Variants in NHS observed in about 807,000 individuals in gnomAD.
NHS encodes the protein NHS actin remodeling regulator, also known as actin remodeling regulator NHS.
A neutral mutation model predicts 72.5 loss-of-function variants in NHS; 5 were observed. That is an observed-to-expected ratio of 0.07 (90% CI 0.04 to 0.14). The LOEUF is 0.14. NHS is among the 10% of genes least tolerant of loss of function. NHS has a pLI of 1.00. For synonymous variants in NHS, 464 were observed against 547.7 expected (o/e 0.85, Z 2.13); for missense variants, 1,072 against 1,355.7 (o/e 0.79, Z 3.29).
chrX:17,565,712 A>C (rs2065439719), intron 1 of NHS, among the ~76,000 whole-genome samples: 1 of 111,897 alleles, frequency 8.9e-6, no homozygotes, highest in Non-Finnish European at 1.9e-5. Context: ...TAAAAGCTAC[A>C]CTAGGCCAAG....
intron 1 of NHS, among the ~76,000 whole-genome samples, chrX:17,430,364 C>A: frequency 1.3e-5 from 1 of 78,317 alleles, no homozygotes; most frequent in South Asian, 6.4e-4. Context: ...TTTCTTCTTT[C>A]TTTCTTTCCT....
intron 3 of NHS, among the ~76,000 whole-genome samples, chrX:17,715,582 G>T (rs2066359928): frequency 4.5e-5 from 5 of 112,351 alleles, no homozygotes; most frequent in Non-Finnish European, 9.4e-5. Context: ...TCTACTTTTA[G>T]TTGTTTTCAA....
intron 1 of NHS, among the ~76,000 whole-genome samples, chrX:17,529,881 A>G (rs1292328093): frequency 2.7e-5 from 3 of 111,446 alleles, no homozygotes; most frequent in Non-Finnish European, 3.8e-5. Context: ...GATGTCAGCT[A>G]AAACCAACTG....
intron 3 of NHS, among the ~76,000 whole-genome samples, chrX:17,715,751 C>A (rs2066361143): frequency 9.0e-6 from 1 of 111,330 alleles, no homozygotes; most frequent in African/African-American, 3.3e-5. Flanking sequence ...CCTCTTCCCC[C>A]CTCTACCCTC....
At chrX:17,696,883 A>C (rs2066234101) in intron 3 of NHS, among the ~76,000 whole-genome samples, 1 of 111,824 alleles carries the variant, frequency 8.9e-6, no homozygotes, top group Non-Finnish European at 1.9e-5. Flanking sequence ...GTTAAGTAAA[A>C]GAGAGAAAAC....
chrX:17,403,764 GC>G (rs752444271), intron 1 of NHS, among the ~76,000 whole-genome samples: 2 of 111,482 alleles, frequency 1.8e-5, no homozygotes, highest in Non-Finnish European at 3.8e-5. Context: ...TCTGCCCCAG[GC>G]CCTTCTTGAT....
intron 1 of NHS, among the ~76,000 whole-genome samples, chrX:17,413,754 A>G (rs911206918): frequency 9.0e-6 from 1 of 111,252 alleles, no homozygotes; most frequent in Non-Finnish European, 1.9e-5. Flanking sequence ...TGTTGAAATG[A>G]TAGACAGTTT....
intron 1 of NHS, among the ~76,000 whole-genome samples, chrX:17,503,416 C>T (rs1054418821): frequency 3.6e-5 from 4 of 112,097 alleles, no homozygotes; most frequent in Non-Finnish European, 7.5e-5. Context: ...TACTATGTGT[C>T]AGGTCATGTC....
rs7882719 is a variant in NHS at position 17,553,301 on chromosome X, G to C, written c.566-134441G>C. On this transcript the variant is annotated intron_variant, in intron 1 of 8. Transcript: ENST00000676302. Reference sequence around the variant, plus strand: ...CTGCCCTCCCAGTGGGAGGTGTGGAGAGCTGGCAATGAGATGGTTAAGAGC... The same window carrying C: ...CTGCCCTCCCAGTGGGAGGTGTGGACAGCTGGCAATGAGATGGTTAAGAGC... Among the ~76,000 whole-genome samples, 609 of 112,918 alleles carry C rather than the reference G, an allele frequency of 5.4e-3. 5 individuals carry two copies. Among genetic ancestry groups the C allele is most frequent in the African/African-American group, 0.019 (589 of 31,122 alleles).
intron 1 of NHS, among the ~76,000 whole-genome samples, chrX:17,438,380 C>T (rs1246805020): frequency 8.9e-6 from 1 of 112,351 alleles, no homozygotes; most frequent in Non-Finnish European, 1.9e-5. Context: ...AATACTGAAG[C>T]ACAACTCTGA....
chrX:17,415,194 G>A (rs60014751), intron 1 of NHS, among the ~76,000 whole-genome samples: 11,116 of 111,222 alleles, frequency 0.1, 1,421 homozygotes, highest in African/African-American at 0.35. Context: ...CTGGGACACG[G>A]TATAGCCCGC....
intron 1 of NHS, among the ~76,000 whole-genome samples, chrX:17,578,450 C>T (rs757496400): frequency 3.4e-4 from 38 of 112,112 alleles, no homozygotes; most frequent in Middle Eastern, 4.6e-3. Context: ...AATTCTGTCT[C>T]TGCCACCTAT....
At chrX:17,474,681 T>C (rs769647742) in intron 1 of NHS, among the ~76,000 whole-genome samples, 6 of 112,050 alleles carry the variant, frequency 5.4e-5, no homozygotes, top group Non-Finnish European at 9.4e-5. Flanking sequence ...GATGCAAGTT[T>C]CCTCTAGGTA....
chrX:17,732,920 C>T lies in NHS; in HGVS notation c.*456C>T, dbSNP rs192724327. On this transcript the variant is annotated 3_prime_UTR_variant, in exon 9 of 9. Transcript: ENST00000676302. ...AGAAAGAACTACACATATGTAAATA[C>T]CATATTTTTGATAAAAATGTGTAAA... 4.8e-5 allele frequency: 7 copies of T among 146,626 alleles called. No individual in the cohort carries two copies. In the Admixed American group the frequency reaches 5.3e-4, roughly 11 times the overall value. 12.1% of individuals were successfully genotyped at this position (146,626 alleles called of 1,213,427 possible). A position where few individuals can be genotyped will look rare whatever the true frequency, so the allele number is the denominator to read the frequency against.
chrX:17,564,623 G>A (rs186872923), intron 1 of NHS, among the ~76,000 whole-genome samples: 68 of 112,544 alleles, frequency 6.0e-4, no homozygotes, highest in Non-Finnish European at 9.4e-5. Context: ...TTACCAGGAC[G>A]CTCCATTCTC....
intron 1 of NHS, among the ~76,000 whole-genome samples, chrX:17,596,075 C>T (rs1470836991): frequency 1.8e-5 from 2 of 111,656 alleles, no homozygotes; most frequent in East Asian, 5.6e-4. Context: ...TTGTACTCAC[C>T]ACTATTTATT....
intron 1 of NHS, among the ~76,000 whole-genome samples, chrX:17,380,043 G>A (rs1163288336): frequency 1.8e-5 from 2 of 111,730 alleles, no homozygotes; most frequent in East Asian, 5.6e-4. Context: ...GTAAAGAAAA[G>A]GAGGCCAGGA....
chrX:17,401,524 C>T (rs1239355885), intron 1 of NHS, among the ~76,000 whole-genome samples: 7 of 112,285 alleles, frequency 6.2e-5, no homozygotes, highest in Non-Finnish European at 1.1e-4. Context: ...GCTGTGACTA[C>T]TTACCACAAA....
At chrX:17,523,907 G>A (rs1448166113) in intron 1 of NHS, among the ~76,000 whole-genome samples, 1 of 111,447 alleles carries the variant, frequency 9.0e-6, no homozygotes, top group Non-Finnish European at 1.9e-5. Flanking sequence ...GGGGCCTGTG[G>A]TCACAAAAGC....
Sources: allele counts gnomAD v4.1 joint callset (sites outside exome capture counted in the v4.1 genomes callset), GRCh38; gene constraint gnomAD v4.1.1; transcripts MANE v1.5; gene names NCBI Gene and HGNC (gene_info 2026-07-23, HGNC 2026-07-21).